ANKRD27: variants seen among roughly 807,000 people sequenced by gnomAD.
The protein encoded by ANKRD27 is ankyrin repeat domain 27, also known as ankyrin repeat domain-containing protein 27.
ANKRD27 carries 112 observed loss-of-function variants against 129.7 expected under a neutral mutation model. That is an observed-to-expected ratio of 0.86 (90% CI 0.74 to 1.01). ANKRD27 has a LOEUF of 1.01. Ranked by LOEUF, ANKRD27 falls within the 50% of genes least tolerant of loss-of-function variation. ANKRD27 has a pLI of 0.00. For synonymous variants in ANKRD27, 516 were observed against 511.2 expected (o/e 1.01, Z -0.13); for missense variants, 1,258 against 1,300.5 (o/e 0.97, Z 0.50).
chr19:32,663,215 C>T (rs1179706776), intron 1 of ANKRD27, among the ~76,000 whole-genome samples: 4 of 152,128 alleles, frequency 2.6e-5, no homozygotes, highest in Non-Finnish European at 5.9e-5. Flanking sequence ...GGGGGGAGAG[C>T]GAGGCCTAGG....
chr19:32,662,328 A>AG (rs1170052820), intron 1 of ANKRD27, among the ~76,000 whole-genome samples: 2 of 151,026 alleles, frequency 1.3e-5, no homozygotes, highest in Non-Finnish European at 3.0e-5. Context: ...AAAAAAAAAA[A>AG]AAAAAAAAGG....
At chr19:32,672,138 G>A (rs1221031208) in intron 1 of ANKRD27, among the ~76,000 whole-genome samples, 2 of 152,230 alleles carry the variant, frequency 1.3e-5, no homozygotes, top group South Asian at 2.1e-4. Context: ...TGCGATGGCC[G>A]TTCCCGCCCT....
Position 32,620,568 on chromosome 19 carries a change from C to CA in ANKRD27, c.1828-1016dup, listed in dbSNP as rs59205429. ...TGGGCGACAGAGCGAGACTCCGTCT[C>CA]AAAAAAAAAAACCAAAACAATAAAA... On this transcript the variant is annotated intron_variant, in intron 18 of 28. Coordinates refer to ENST00000306065, the MANE Select transcript of ANKRD27 (RefSeq NM_032139.3). 3.9e-3 allele frequency among the ~76,000 whole-genome samples: 557 copies of CA among 142,918 alleles called. 10 individuals carry two copies. The highest frequency in any genetic ancestry group is 1.5e-3 in the African/African-American group (56 of 38,582). The allele number at this position is 142,918 out of a possible 152,430, so 93.8% of individuals were successfully genotyped here.
At chr19:32,629,439 C>T (rs1966950491) in intron 13 of ANKRD27, among the ~76,000 whole-genome samples, 1 of 152,052 alleles carries the variant, frequency 6.6e-6, no homozygotes, top group Admixed American at 6.6e-5. Context: ...GTGGCTCACG[C>T]CTATAATCCC....
At position 32,597,098 on chromosome 19, in the gene ANKRD27, A is replaced by C. The variant is rs1299574932; in HGVS notation, c.*1047T>G. On this transcript the variant is annotated 3_prime_UTR_variant, in exon 29 of 29. Coordinates refer to ENST00000306065, the MANE Select transcript of ANKRD27 (RefSeq NM_032139.3). ...TAGAAATCATAAATTACTTTGTAGA[A>C]AAATAATCCCTCCCTTCCTTCTGTA... is the stretch of plus-strand genomic sequence containing the variant. 6.8e-6 allele frequency: 1 copy of C among 146,228 alleles called. No homozygotes were observed. The highest frequency in any genetic ancestry group is 1.5e-5 in the Non-Finnish European group (1 of 65,844). 9.1% of individuals were successfully genotyped at this position (146,228 alleles called of 1,614,324 possible).
intron 2 of ANKRD27, among the ~76,000 whole-genome samples, chr19:32,652,529 C>T (rs937151967): frequency 6.6e-6 from 1 of 152,010 alleles, no homozygotes; most frequent in African/African-American, 2.4e-5. Flanking sequence ...GAGCCGAGAT[C>T]GCACCACTGC....
rs912767345 is a variant in ANKRD27, at chr19:32,621,457, T to C, written c.1827+965A>G. 1.3e-5 allele frequency among the ~76,000 whole-genome samples: 2 copies of C among 152,094 alleles called. 1 individual carries two copies. The highest frequency in any genetic ancestry group is 4.1e-4 in the South Asian group (2 of 4,828). ...GCCTAGCCAACATGGTGAAACCCCA[T>C]CCCTACTAAAAATACAAAAAATTAA... On this transcript the variant is annotated intron_variant, in intron 18 of 28. Transcript: ENST00000306065.
At chr19:32,614,927 G>A (rs1971891391) in intron 22 of ANKRD27, among the ~76,000 whole-genome samples, 2 of 152,278 alleles carry the variant, frequency 1.3e-5, no homozygotes, top group South Asian at 4.1e-4. Context: ...TGTTACCCCT[G>A]GGGAAAGCTG....
At chr19:32,674,195 A>G (rs1010585896) in intron 1 of ANKRD27, among the ~76,000 whole-genome samples, 5 of 152,114 alleles carry the variant, frequency 3.3e-5, no homozygotes, top group Non-Finnish European at 7.4e-5. Flanking sequence ...GAAAAAAAAT[A>G]TCCACTGCTC....
intron 1 of ANKRD27, among the ~76,000 whole-genome samples, chr19:32,661,896 A>G (rs1967652426): frequency 6.6e-6 from 1 of 152,194 alleles, no homozygotes; most frequent in Non-Finnish European, 1.5e-5. Flanking sequence ...AGGGTCAACA[A>G]TAATTGGATT....
intron 16 of ANKRD27, 29 bp downstream of exon 16, chr19:32,626,683 C>T: frequency 6.5e-7 from 1 of 1,539,602 alleles, no homozygotes; most frequent in South Asian, 1.2e-5. Flanking sequence ...AGCAAAGCGA[C>T]AGCCCGCCAC....
chr19:32,644,621 G>A, intron 4 of ANKRD27, 142 bp from the exon 5 acceptor site: 2 of 968,760 alleles, frequency 2.1e-6, no homozygotes, highest in East Asian at 4.8e-5. Context: ...CCCAGTTACA[G>A]GACACCCTGG....
chr19:32,604,115 G>T (rs921624664), intron 25 of ANKRD27, 148 bp downstream of exon 25: 2 of 790,344 alleles, frequency 2.5e-6, no homozygotes, highest in Non-Finnish European at 3.8e-6. Flanking sequence ...ATCTACCCAC[G>T]CTGTGGACTT....
chr19:32,619,661 G>A (rs1281537953), intron 18 of ANKRD27, 108 bp from the exon 19 acceptor site: 2 of 1,363,804 alleles, frequency 1.5e-6, no homozygotes, highest in Non-Finnish European at 2.1e-6. Flanking sequence ...CGGAATGTCA[G>A]TGCAGTGAGC....
rs772515258 is a variant in ANKRD27 at position 32,602,034 on chromosome 19, A to G, written c.2748T>C (p.Thr916=). The change falls in exon 26 of 29, where the codon ACT becomes ACC. Residue 916 remains threonine, a synonymous_variant. Coordinates refer to ENST00000306065, the MANE Select transcript of ANKRD27 (RefSeq NM_032139.3). ...TCTTACATTTTTTCCTGATCTTAAC[A>G]GTGACATACTCCTTGCGGTCAGTTT... ...VAETDRKEYV[T]VKIRKKWNSK... is the part of the protein sequence containing the mutation. 1.2e-6 allele frequency: 2 copies of G among 1,613,172 alleles called. No homozygotes were observed. The highest frequency in any genetic ancestry group is 1.7e-6 in the Non-Finnish European group (2 of 1,179,348).
At chr19:32,631,594 G>T in intron 12 of ANKRD27, 100 bp from the exon 13 acceptor site, 1 of 920,074 alleles carries the variant, frequency 1.1e-6, no homozygotes, top group East Asian at 2.6e-5. Flanking sequence ...GAGCAGTATC[G>T]GCTGCGCCTC....
At chr19:32,632,442 G>A (rs544524474) in intron 12 of ANKRD27, among the ~76,000 whole-genome samples, 21 of 151,850 alleles carry the variant, frequency 1.4e-4, no homozygotes, top group Non-Finnish European at 2.1e-4. Flanking sequence ...AAAATTAGCC[G>A]GGTGTGGTGG....
chr19:32,653,620 CA>C (rs1215775939), intron 2 of ANKRD27, among the ~76,000 whole-genome samples: 1 of 152,094 alleles, frequency 6.6e-6, no homozygotes, highest in Non-Finnish European at 1.5e-5. Context: ...AAGGCGCTTC[CA>C]CTGTCCAATC....
chr19:32,652,500 G>A (rs932699375), intron 2 of ANKRD27, among the ~76,000 whole-genome samples: 2 of 152,098 alleles, frequency 1.3e-5, no homozygotes, highest in Non-Finnish European at 2.9e-5. Context: ...GGCTGAGGCC[G>A]GGAGGCAGAG....
Sources: gnomAD v4.1 joint callset for allele counts (sites outside exome capture counted in the v4.1 genomes callset) on GRCh38, gnomAD v4.1.1 for gene constraint, MANE v1.5 for transcripts, NCBI Gene and HGNC (gene_info 2026-07-23, HGNC 2026-07-21) for gene names.